The following GLA variants were observed in gnomAD, a reference collection of about 807,000 sequenced individuals.
The protein encoded by GLA is alpha-galactosidase A.
In GLA, 4 loss-of-function variants were observed where a neutral mutation model predicts 28.2. The ratio of observed to expected loss-of-function variants is 0.14; its 90% CI spans 0.07 to 0.32. GLA has a LOEUF of 0.32. Ranked by LOEUF, GLA falls within the 10% of genes least tolerant of loss-of-function variation. The pLI is 1.00. For synonymous variants in GLA, 94 were observed against 113.0 expected, an observed-to-expected ratio of 0.83 and a Z score of 1.07; for missense variants, 203 against 323.7, an observed-to-expected ratio of 0.63 and a Z score of 2.86.
At chrX:101,405,090 G>C (rs1160142384) in intron 1 of GLA, among the ~76,000 whole-genome samples, 1 of 109,139 alleles carries the variant, frequency 9.2e-6, no homozygotes, top group African/African-American at 3.3e-5. Context: ...ATACAAAATA[G>C]CTAGGCGTGG....
chrX:101,401,000 T>C, intron 3 of GLA: 1 of 247,857 alleles, frequency 4.0e-6, no homozygotes, highest in Non-Finnish European at 7.1e-6. Context: ...CAAAGTCAGC[T>C]AATTTTTGTA....
intron 1 of GLA, among the ~76,000 whole-genome samples, chrX:101,404,385 C>T (rs1163244436): frequency 1.1e-4 from 12 of 111,157 alleles, no homozygotes; most frequent in African/African-American, 3.3e-4. Context: ...ATTTAAGATA[C>T]GTGCAAGGCC....
At chrX:101,399,870 GAGA>G (rs782277432) in intron 4 of GLA, 1 of 112,036 alleles carries the variant, frequency 8.9e-6, no homozygotes, top group Non-Finnish European at 1.9e-5. Context: ...AAAGTAGTTA[GAGA>G]AGAACTGTCT....
intron 1 of GLA, among the ~76,000 whole-genome samples, chrX:101,404,566 C>CTTTTTTTTTTT (rs1171364737): frequency 3.4e-4 from 27 of 79,184 alleles, no homozygotes; most frequent in African/African-American, 1.2e-3. Context: ...TCCTTTTTAT[C>CTTTTTTTTTTT]TTTTTTTTTT....
intron 5 of GLA, 66 bp downstream of exon 5, chrX:101,398,719 C>T (rs869312416): frequency 8.0e-6 from 9 of 1,131,824 alleles, no homozygotes; most frequent in Non-Finnish European, 1.1e-5. Context: ...CTGTATTTAC[C>T]TTGAATGTCA....
At chrX:101,401,909 C>T (rs1928333916) in intron 2 of GLA, 100 bp from the exon 3 acceptor site, 1 of 802,344 alleles carries the variant, frequency 1.2e-6, no homozygotes, top group East Asian at 3.1e-5. Flanking sequence ...GACAAGGTTA[C>T]TTCACCAGGT....
At chrX:101,402,101 G>C (rs1928339623) in intron 2 of GLA, among the ~76,000 whole-genome samples, 1 of 112,429 alleles carries the variant, frequency 8.9e-6, no homozygotes, top group Non-Finnish European at 1.9e-5. Context: ...ATTACCTTTT[G>C]AGGGAAATGA....
At chrX:101,400,625 T>C (rs782425464) in intron 4 of GLA, 41 bp downstream of exon 4, 2 of 743,255 alleles carry the variant, frequency 2.7e-6, no homozygotes, top group Non-Finnish European at 2.1e-6. Flanking sequence ...AAGTTCTATC[T>C]ATCAGTACAG....
Position 101,398,151 on chromosome X carries a change from G to A in GLA, c.1000-52C>T, listed in dbSNP as rs782217308. 5.6e-6 allele frequency: 6 copies of A among 1,071,094 alleles called. No individual in the cohort carries two copies. The South Asian group carries it at 7.5e-5, about 13-fold the overall frequency. 88.3% of individuals were successfully genotyped at this position (1,071,094 alleles called of 1,213,427 possible). ...TTAGCAACTAGTGATAAGTGGCCCT[G>A]TTAGTTTGGCATTCATTCTTAATGT... is the stretch of plus-strand genomic sequence containing the variant. On this transcript the variant is annotated intron_variant, in intron 6 of 6. Transcript: ENST00000218516.
At chrX:101,407,461 C>CGA (rs782246787) in intron 1 of GLA, among the ~76,000 whole-genome samples, 38 of 103,717 alleles carry the variant, frequency 3.7e-4, no homozygotes, top group South Asian at 2.2e-3. Flanking sequence ...AGAAGGAGAA[C>CGA]GAGAGAGAGA....
At chrX:101,402,551 T>C (rs1928352303) in intron 2 of GLA, among the ~76,000 whole-genome samples, 1 of 110,848 alleles carries the variant, frequency 9.0e-6, no homozygotes, top group Admixed American at 9.6e-5. Context: ...GATTACAAGG[T>C]CAGGAGTTCG....
chrX:101,404,526 T>A, intron 1 of GLA, among the ~76,000 whole-genome samples: 1 of 110,098 alleles, frequency 9.1e-6, no homozygotes, highest in East Asian at 2.8e-4. Flanking sequence ...TTTAACAAAA[T>A]CCTTAACAAA....
chrX:101,398,950 T>C lies in GLA; in HGVS notation c.640-4A>G. The C allele has an allele frequency of 8.4e-7, 1 of 1,196,812 alleles. No individual in the cohort carries two copies. Among genetic ancestry groups the C allele is most frequent in the Non-Finnish European group, 1.1e-6 (1 of 882,683 alleles). ...GTCGGATTTCTGTATAATTGGGCTG[T>C]GAAAACAGATATGACTCTTCTGTTT... On this transcript the variant is annotated splice_polypyrimidine_tract_variant and splice_region_variant and intron_variant, in intron 4 of 6. Transcript: ENST00000218516.
chrX:101,401,361 TAG>T, intron 3 of GLA: 1 of 383,301 alleles, frequency 2.6e-6, no homozygotes, highest in Non-Finnish European at 4.6e-6. Flanking sequence ...AATGATGTTA[TAG>T]AGAGTTACAA....
chrX:101,402,287 T>C (rs1167632885), intron 2 of GLA, among the ~76,000 whole-genome samples: 1 of 111,677 alleles, frequency 9.0e-6, no homozygotes, highest in African/African-American at 3.3e-5. Context: ...ATTTCCCTCA[T>C]CCCCCACCCT....
At chrX:101,399,613 G>GA (rs1185076936) in intron 4 of GLA, 8 of 112,163 alleles carry the variant, frequency 7.1e-5, no homozygotes, top group African/African-American at 2.6e-4. Context: ...AAGATGTTGA[G>GA]AAAAAAGACT....
intron 2 of GLA, among the ~76,000 whole-genome samples, chrX:101,402,598 A>T (rs1555986007): frequency 9.0e-6 from 1 of 111,083 alleles, no homozygotes; most frequent in Non-Finnish European, 1.9e-5. Flanking sequence ...CCTTGTCTCT[A>T]CTAAAAATAC....
intron 3 of GLA, 41 bp downstream of exon 3, chrX:101,401,591 G>A (rs782703603): frequency 1.7e-6 from 2 of 1,147,858 alleles, no homozygotes; most frequent in African/African-American, 1.8e-5. Flanking sequence ...TGGCCTCAAA[G>A]TTCTTTCCTT....
chrX:101,398,186 C>T (rs1928148832), intron 6 of GLA, 87 bp from the exon 7 acceptor site: 1 of 901,071 alleles, frequency 1.1e-6, no homozygotes, highest in Non-Finnish European at 1.6e-6. Context: ...TCAGAACTAT[C>T]AAGCACTTGT....
Sources: allele counts gnomAD v4.1 joint callset (sites outside exome capture counted in the v4.1 genomes callset), GRCh38; gene constraint gnomAD v4.1.1; transcripts MANE v1.5; gene names NCBI Gene and HGNC (gene_info 2026-07-23, HGNC 2026-07-21).